Variants in EIF4G3 observed in about 807,000 individuals in gnomAD.
EIF4G3 encodes the protein eIF-4-gamma 3.
In EIF4G3, 34 loss-of-function variants were observed where a neutral mutation model predicts 186.4. The ratio of observed to expected loss-of-function variants is 0.18; its 90% CI spans 0.14 to 0.24. The LOEUF is 0.24. Ranked by LOEUF, EIF4G3 falls within the 10% of genes least tolerant of loss-of-function variation. The pLI, the probability that EIF4G3 is intolerant of heterozygous loss-of-function variation, is 1.00. For synonymous variants in EIF4G3, 673 were observed against 679.5 expected, an observed-to-expected ratio of 0.99 and a Z score of 0.15; for missense variants, 1,536 against 1,948.5, an observed-to-expected ratio of 0.79 and a Z score of 3.99.
intron 2 of EIF4G3, chr1:21,111,636 T>C (rs978258188): frequency 3.9e-6 from 1 of 258,062 alleles, no homozygotes; most frequent in African/African-American, 2.2e-5. Flanking sequence ...CGTGGGAGCA[T>C]GTGAGATAGA....
intron 14 of EIF4G3, among the ~76,000 whole-genome samples, chr1:20,908,923 G>A (rs2092727327): frequency 1.3e-5 from 2 of 152,176 alleles, no homozygotes; most frequent in Non-Finnish European, 2.9e-5. Context: ...GCCAAGGCAG[G>A]CAGATCACTT....
At chr1:21,011,390 A>G (rs1447897720) in intron 4 of EIF4G3, among the ~76,000 whole-genome samples, 1 of 152,214 alleles carries the variant, frequency 6.6e-6, no homozygotes, top group Non-Finnish European at 1.5e-5. Context: ...GAAATAAAAC[A>G]GAGCTCCCAT....
chr1:21,000,001 T>C (rs1211619961), intron 6 of EIF4G3, among the ~76,000 whole-genome samples: 4 of 152,034 alleles, frequency 2.6e-5, no homozygotes, highest in Non-Finnish European at 5.9e-5. Flanking sequence ...CAACATAACA[T>C]TGATGTAATT....
At chr1:21,073,628 C>T in intron 3 of EIF4G3, 1 of 518,968 alleles carries the variant, frequency 1.9e-6, no homozygotes, top group Admixed American at 1.9e-5. Context: ...TCCCTGGGCA[C>T]ACGCCACATG....
At chr1:20,906,967 G>A (rs1378758923) in intron 14 of EIF4G3, among the ~76,000 whole-genome samples, 2 of 152,082 alleles carry the variant, frequency 1.3e-5, no homozygotes, top group African/African-American at 4.8e-5. Flanking sequence ...AAGGGAAGCA[G>A]TCAGGAAGAA....
intron 25 of EIF4G3, among the ~76,000 whole-genome samples, chr1:20,856,441 C>G (rs2074926547): frequency 6.6e-6 from 1 of 152,096 alleles, no homozygotes; most frequent in African/African-American, 2.4e-5. Context: ...TTTGGAAAAC[C>G]CACTGGACTT....
chr1:20,922,539 C>T (rs531429725), intron 14 of EIF4G3, among the ~76,000 whole-genome samples: 5 of 152,286 alleles, frequency 3.3e-5, no homozygotes, highest in South Asian at 2.1e-4. Flanking sequence ...TCAGATAATC[C>T]GCCCGCCTGG....
chr1:21,036,511 C>T (rs2093213455), intron 4 of EIF4G3, among the ~76,000 whole-genome samples: 1 of 152,144 alleles, frequency 6.6e-6, no homozygotes, highest in Non-Finnish European at 1.5e-5. Context: ...TCTTTAAACA[C>T]CTTAATATTT....
intron 3 of EIF4G3, among the ~76,000 whole-genome samples, chr1:21,084,364 AGGAG>A (rs1370111314): frequency 1.3e-5 from 2 of 152,134 alleles, no homozygotes; most frequent in East Asian, 3.8e-4. Flanking sequence ...ACATGATGGC[AGGAG>A]AGAGAGAGAG....
intron 2 of EIF4G3, among the ~76,000 whole-genome samples, chr1:21,168,665 A>T (rs1304766783): frequency 6.6e-6 from 1 of 151,970 alleles, no homozygotes; most frequent in African/African-American, 2.4e-5. Context: ...GACTCAAGTG[A>T]TCCTCCTGCC....
In EIF4G3 at chr1:20,864,276, A is replaced by G. The variant is rs141082548; in HGVS notation, c.3006+200T>C. Reference sequence around the variant, plus strand: ...GAATCTACAAACTGGCTTTTACACAATTTGGGACCCTCCTCATCTCTGACT... The same window carrying G: ...GAATCTACAAACTGGCTTTTACACAGTTTGGGACCCTCCTCATCTCTGACT... On this transcript the variant is annotated intron_variant, in intron 22 of 36. Coordinates refer to ENST00000602326, the MANE Select transcript of EIF4G3 (RefSeq NM_001391906.1). 1.6e-3 allele frequency among the ~76,000 whole-genome samples: 247 copies of G among 152,306 alleles called. 3 individuals carry two copies. Among genetic ancestry groups the G allele is most frequent in the African/African-American group, 5.6e-3 (232 of 41,564 alleles).
chr1:20,824,210 T>C (rs1356680711), intron 33 of EIF4G3, among the ~76,000 whole-genome samples: 1 of 152,244 alleles, frequency 6.6e-6, no homozygotes, highest in Admixed American at 6.5e-5. Flanking sequence ...TCAGAAGTTA[T>C]GCTTCATGCA....
At chr1:21,109,087 G>A (rs138695205) in intron 2 of EIF4G3, among the ~76,000 whole-genome samples, 2,277 of 151,222 alleles carry the variant, frequency 0.015, 28 homozygotes, top group Non-Finnish European at 0.022. Context: ...GCATAGTGGT[G>A]CACATCTGTA....
At chr1:20,967,706 A>G (rs190488414) in intron 12 of EIF4G3, among the ~76,000 whole-genome samples, 2 of 152,234 alleles carry the variant, frequency 1.3e-5, no homozygotes, top group Non-Finnish European at 2.9e-5. Flanking sequence ...AAGGGGCTCT[A>G]AACTCAGCCA....
rs144455428 is a variant in EIF4G3 at position 21,012,861 on chromosome 1, C to T, written c.-66-10053G>A. The stretch of plus-strand genomic sequence containing the variant: ...ATCCTCTAAAAGAAGTGGCACGCCG[C>T]TGTAAATTCCACAAGACAGGTGAGA... On this transcript the variant is annotated intron_variant, in intron 4 of 36. Transcript: ENST00000602326. 4.3e-4 allele frequency among the ~76,000 whole-genome samples: 66 copies of T among 152,194 alleles called. 1 individual carries two copies. The highest frequency in any genetic ancestry group is 1.4e-3 in the African/African-American group (60 of 41,508).
intron 20 of EIF4G3, among the ~76,000 whole-genome samples, chr1:20,875,628 TAA>T (rs1482658240): frequency 2.0e-5 from 3 of 152,002 alleles, no homozygotes; most frequent in African/African-American, 7.3e-5. Flanking sequence ...ACTAAAGAAA[TAA>T]AAGTCAGGTG....
intron 4 of EIF4G3, among the ~76,000 whole-genome samples, chr1:21,043,467 T>C (rs1236163702): frequency 6.6e-6 from 1 of 152,170 alleles, no homozygotes; most frequent in Admixed American, 6.5e-5. Context: ...ATTTAAAAAC[T>C]AACCACAGAA....
chr1:20,860,040 T>C (rs2075978089), intron 24 of EIF4G3, among the ~76,000 whole-genome samples: 1 of 152,238 alleles, frequency 6.6e-6, no homozygotes. Context: ...CTCTTTTGCT[T>C]GTCAAAAGTT....
At chr1:21,101,532 T>C (rs577164049) in intron 2 of EIF4G3, among the ~76,000 whole-genome samples, 2 of 121,970 alleles carry the variant, frequency 1.6e-5, no homozygotes, top group East Asian at 5.9e-4. Flanking sequence ...ATTGCACCAC[T>C]ACACTCTAGC....
Sources: allele counts gnomAD v4.1 joint callset (sites outside exome capture counted in the v4.1 genomes callset), GRCh38; gene constraint gnomAD v4.1.1; transcripts MANE v1.5; gene names NCBI Gene and HGNC (gene_info 2026-07-23, HGNC 2026-07-21).